DNAH8: variants seen among roughly 807,000 people sequenced by gnomAD.
DNAH8 encodes the protein dynein axonemal heavy chain 8.
DNAH8 carries 382 observed loss-of-function variants against 562.1 expected under a neutral mutation model. That is an observed-to-expected ratio of 0.68 (90% CI 0.63 to 0.74). The LOEUF (loss-of-function observed/expected upper bound fraction) is 0.74. Among genes scored for constraint, DNAH8 ranks in the 30% least tolerant of loss-of-function variants. The probability of loss-of-function intolerance (pLI) is 0.00; values close to 1 mark genes in which losing one functional copy is unlikely to be tolerated. For synonymous variants in DNAH8, 1,881 were observed against 1,919.4 expected, an observed-to-expected ratio of 0.98 and a Z score of 0.52; for missense variants, 5,203 against 5,620.4, an observed-to-expected ratio of 0.93 and a Z score of 2.37.
chr6:38,717,323 T>A (rs1004928732), intron 1 of DNAH8, among the ~76,000 whole-genome samples: 8 of 152,012 alleles, frequency 5.3e-5, no homozygotes, highest in African/African-American at 1.9e-4. Context: ...GAATTTCAGG[T>A]CTTATTTATT....
chr6:38,929,046 T>C lies in DNAH8; in HGVS notation c.11119-465T>C, dbSNP rs182983735. Among the ~76,000 whole-genome samples the C allele has an allele frequency of 1.7e-3, 258 of 152,338 alleles. 2 individuals are homozygous for C. The highest frequency in any genetic ancestry group is 5.9e-3 in the African/African-American group (246 of 41,584). On this transcript the variant is annotated intron_variant, in intron 74 of 92. Transcript: ENST00000327475. Reference sequence around the variant, plus strand: ...GCCAATAGGAGACAGAATACATGGATAGACCCTCAGTGCGACTCAATATAT... The same window carrying C: ...GCCAATAGGAGACAGAATACATGGACAGACCCTCAGTGCGACTCAATATAT...
chr6:38,815,370 C>T lies in DNAH8; in HGVS notation c.3334-98C>T, dbSNP rs151098346. The T allele has an allele frequency of 6.2e-3, 5,784 of 933,784 alleles. 22 individuals are homozygous for T. Among genetic ancestry groups the T allele is most frequent in the Admixed American group, 7.4e-3 (344 of 46,240 alleles). 57.8% of individuals were successfully genotyped at this position (933,784 alleles called of 1,614,324 possible). A position where few individuals can be genotyped will look rare whatever the true frequency, so the allele number is the denominator to read the frequency against. On this transcript the variant is annotated intron_variant, in intron 25 of 92. Coordinates refer to ENST00000327475, the MANE Select transcript of DNAH8 (RefSeq NM_001206927.2). The stretch of plus-strand genomic sequence containing the variant: ...CAAATCAGCCTTGCACTGGGCCAGC[C>T]GAGGCTTGCCCCACTCAGTGGGGAA...
intron 60 of DNAH8, among the ~76,000 whole-genome samples, chr6:38,897,854 A>G (rs2150502055): frequency 6.6e-6 from 1 of 152,334 alleles, no homozygotes; most frequent in South Asian, 2.1e-4. Flanking sequence ...AAACAAAGAA[A>G]GTGGGTGTGG....
At chr6:38,853,025 G>C (rs1775882779) in intron 40 of DNAH8, among the ~76,000 whole-genome samples, 161 bp from the exon 41 acceptor site, 1 of 152,132 alleles carries the variant, frequency 6.6e-6, no homozygotes, top group Admixed American at 6.6e-5. Flanking sequence ...GTTCCTTCCA[G>C]CTATAGTATT....
At chr6:38,779,592 A>G (rs77474295) in intron 14 of DNAH8, among the ~76,000 whole-genome samples, 4,903 of 152,276 alleles carry the variant, frequency 0.032, 251 homozygotes, top group African/African-American at 0.11. Flanking sequence ...GGGAGAGTCA[A>G]TGTGTTCTCT....
chr6:38,809,539 A>G lies in DNAH8; in HGVS notation c.3257+1823A>G, dbSNP rs571216236. 2.9e-3 allele frequency among the ~76,000 whole-genome samples: 441 copies of G among 152,300 alleles called. 2 individuals carry two copies. The highest frequency in any genetic ancestry group is 4.9e-3 in the Non-Finnish European group (331 of 68,016). ...GGGGGAGTTATTTAAGTTGCATTGT[A>G]TCTATAGATCAATTTGAAGAGAATT... On this transcript the variant is annotated intron_variant, in intron 24 of 92. Transcript: ENST00000327475.
intron 9 of DNAH8, among the ~76,000 whole-genome samples, chr6:38,754,891 G>C (rs913656707): frequency 2.0e-5 from 3 of 152,078 alleles, no homozygotes; most frequent in African/African-American, 7.2e-5. Flanking sequence ...GATGTGACTT[G>C]ATACTACCTT....
intron 5 of DNAH8, among the ~76,000 whole-genome samples, chr6:38,735,378 T>C (rs1305835823): frequency 6.6e-6 from 1 of 152,212 alleles, no homozygotes; most frequent in Non-Finnish European, 1.5e-5. Context: ...TTGTTTAGCT[T>C]GGTTTAAGAT....
intron 16 of DNAH8, among the ~76,000 whole-genome samples, chr6:38,781,626 C>T (rs904835643): frequency 6.6e-6 from 1 of 152,026 alleles, no homozygotes. Context: ...TTTAATAACA[C>T]AGGACACTTT....
chr6:38,762,531 T>G (rs1187070490), intron 11 of DNAH8, among the ~76,000 whole-genome samples: 1 of 152,240 alleles, frequency 6.6e-6, no homozygotes, highest in African/African-American at 2.4e-5. Context: ...ACCTGTAATT[T>G]TCCTTTCTTA....
rs188776441 is a variant in DNAH8 at position 39,005,285 on chromosome 6, C to T, written c.13215-3529C>T. On this transcript the variant is annotated intron_variant, in intron 88 of 92. Transcript: ENST00000327475. ...AAAATTAGCTGGGTGTGGTAGTGCA[C>T]GCCTATGGTCTCTGCTACTCAGGAG... 3.7e-3 allele frequency among the ~76,000 whole-genome samples: 567 copies of T among 152,218 alleles called. 16 individuals carry two copies. The highest frequency in any genetic ancestry group is 0.036 in the Admixed American group (552 of 15,286).
rs372082500 is a variant in DNAH8 at position 38,866,750 on chromosome 6, T to A, written c.6586-19T>A. On this transcript the variant is annotated intron_variant, in intron 46 of 92. Transcript: ENST00000327475. ...GTTTTTCACTAAAGTTGAAAAAAAC[T>A]CACTATATTAATTTTCAGATCATTA... 3.7e-6 allele frequency: 6 copies of A among 1,601,440 alleles called. No individual in the cohort carries two copies. The African/African-American group carries it at 8.1e-5, about 22-fold the overall frequency.
intron 89 of DNAH8, 69 bp downstream of exon 89, chr6:39,009,039 T>G: frequency 8.5e-7 from 1 of 1,176,424 alleles, no homozygotes; most frequent in Non-Finnish European, 1.2e-6. Flanking sequence ...TTTGATTACC[T>G]TGAAAAGCAA....
chr6:38,797,572 A>G (rs1219181732), intron 21 of DNAH8, among the ~76,000 whole-genome samples: 1 of 152,020 alleles, frequency 6.6e-6, no homozygotes, highest in Admixed American at 6.6e-5. Flanking sequence ...TGACCAGCAG[A>G]CCTTATCTAT....
intron 72 of DNAH8, 103 bp downstream of exon 72, chr6:38,923,288 G>A (rs1781860683): frequency 2.1e-6 from 3 of 1,410,032 alleles, no homozygotes; most frequent in African/African-American, 1.4e-5. Context: ...ATCTATGACA[G>A]TGCTTGCAAC....
intron 91 of DNAH8, among the ~76,000 whole-genome samples, chr6:39,023,197 C>G (rs1767037860): frequency 6.6e-6 from 1 of 151,760 alleles, no homozygotes; most frequent in Admixed American, 6.5e-5. Flanking sequence ...ATTATTAAAA[C>G]TAAATTGTGC....
chr6:38,850,153 G>C (rs1049744074), intron 37 of DNAH8, 98 bp from the exon 38 acceptor site: 4 of 1,141,036 alleles, frequency 3.5e-6, no homozygotes, highest in Non-Finnish European at 3.7e-6. Flanking sequence ...GACTAATAGA[G>C]GCTGGTTTGA....
chr6:39,030,433 C>A lies in DNAH8; in HGVS notation c.*41C>A. ...CTCAGGGCACCAGAACCCACATAGA[C>A]AGCCTGTGCTATTGAGGGACTCAGT... On this transcript the variant is annotated 3_prime_UTR_variant, in exon 93 of 93. Transcript: ENST00000327475. The A allele has an allele frequency of 6.4e-7, 1 of 1,568,670 alleles. No individual in the cohort carries two copies.
chr6:39,024,529 TG>T (rs1370591440), intron 91 of DNAH8, among the ~76,000 whole-genome samples: 1 of 152,162 alleles, frequency 6.6e-6, no homozygotes, highest in Non-Finnish European at 1.5e-5. Context: ...GGAGCCTGGA[TG>T]TTTAAAATGG....
Sources: allele counts gnomAD v4.1 joint callset (sites outside exome capture counted in the v4.1 genomes callset), GRCh38; gene constraint gnomAD v4.1.1; transcripts MANE v1.5; gene names NCBI Gene and HGNC (gene_info 2026-07-23, HGNC 2026-07-21).